Variants in FILIP1L observed in about 807,000 individuals in gnomAD.
The protein encoded by FILIP1L is filamin A interacting protein 1 like.
A neutral mutation model predicts 96.6 loss-of-function variants in FILIP1L; 55 were observed. The ratio of observed to expected loss-of-function variants is 0.57; its 90% CI spans 0.46 to 0.71. The LOEUF (loss-of-function observed/expected upper bound fraction) is 0.71, where lower values mean the gene tolerates loss of function less well. Among genes scored for constraint, FILIP1L ranks in the 30% least tolerant of loss-of-function variants. The probability of loss-of-function intolerance (pLI) is 0.00; values close to 1 mark genes in which losing one functional copy is unlikely to be tolerated. For synonymous variants in FILIP1L, 467 were observed against 473.9 expected, an observed-to-expected ratio of 0.99 and a Z score of 0.19; for missense variants, 1,304 against 1,321.2, an observed-to-expected ratio of 0.99 and a Z score of 0.20.
chr3:100,039,326 C>T (rs747348315), intron 1 of FILIP1L, among the ~76,000 whole-genome samples: 3 of 152,148 alleles, frequency 2.0e-5, no homozygotes, highest in Non-Finnish European at 4.4e-5. Flanking sequence ...ATAAGAAGTA[C>T]AGCCAAGACT....
At position 100,023,777 on chromosome 3, in the gene FILIP1L, C is replaced by T. The variant is rs115517444; in HGVS notation, c.-11+90276G>A. On this transcript the variant is annotated intron_variant, in intron 1 of 5. Coordinates refer to ENST00000477258, the MANE Select transcript of FILIP1L (RefSeq NM_001387850.1). ...CTAGTATTTCTACCTAGAACTACTC[C>T]TGCTCTGCATGTCTTACTCTCAGGA... 7.2e-3 allele frequency among the ~76,000 whole-genome samples: 1,102 copies of T among 152,246 alleles called. 19 individuals are homozygous for T. Among genetic ancestry groups the T allele is most frequent in the African/African-American group, 0.024 (1,017 of 41,546 alleles).
chr3:100,034,493 G>A (rs532700229), intron 1 of FILIP1L, among the ~76,000 whole-genome samples: 11 of 152,192 alleles, frequency 7.2e-5, no homozygotes, highest in African/African-American at 1.2e-4. Context: ...TAGCCACTTC[G>A]TTCCAGTAAT....
intron 2 of FILIP1L, 50 bp downstream of exon 2, chr3:99,930,719 A>T (rs1437315506): frequency 6.3e-7 from 1 of 1,595,704 alleles, no homozygotes; most frequent in South Asian, 1.1e-5. Flanking sequence ...CCAAATTCAC[A>T]AGCAGCCTTC....
chr3:99,969,240 T>G (rs1397710861), intron 1 of FILIP1L, among the ~76,000 whole-genome samples: 1 of 152,168 alleles, frequency 6.6e-6, no homozygotes, highest in East Asian at 1.9e-4. Flanking sequence ...GGATAATGTA[T>G]GTATAATTCT....
rs988596295 is a variant in FILIP1L, at chr3:100,095,724, G to A, written c.-11+18329C>T. Among the ~76,000 whole-genome samples, 20 of 152,164 alleles carry A rather than the reference G, an allele frequency of 1.3e-4. No individual in the cohort carries two copies. In the East Asian group the frequency reaches 3.9e-3, roughly 29 times the overall value. On this transcript the variant is annotated intron_variant, in intron 1 of 5. Coordinates refer to ENST00000477258, the MANE Select transcript of FILIP1L (RefSeq NM_001387850.1). ...ACATTGGTCTGGGTAAAAATTTATTGAACAATACCCCACCAGCACAGGCAA... is the reference window on the plus strand; with the variant it reads ...ACATTGGTCTGGGTAAAAATTTATTAAACAATACCCCACCAGCACAGGCAA...
At position 99,849,894 on chromosome 3, in the gene FILIP1L, T is replaced by C; in HGVS notation, c.1782A>G (p.Ser594=). Residue 594 remains serine (S), a synonymous_variant, in exon 5 of 6, where the codon TCA becomes TCG. Coordinates refer to ENST00000477258, the MANE Select transcript of FILIP1L (RefSeq NM_001387850.1). ...GGAAATCTTTCTCAATTGCTTCCAA[T>C]GATTGAAGCCTATTTTTCAACATAT... ...RVNMLKNRLQ[S]LEAIEKDFLK... The C allele has an allele frequency of 6.2e-7, 1 of 1,611,902 alleles. No individual in the cohort carries two copies. Among genetic ancestry groups the C allele is most frequent in the Non-Finnish European group, 8.5e-7 (1 of 1,179,540 alleles).
intron 1 of FILIP1L, among the ~76,000 whole-genome samples, chr3:100,000,414 G>T (rs1709808671): frequency 6.6e-6 from 1 of 152,204 alleles, no homozygotes; most frequent in Non-Finnish European, 1.5e-5. Flanking sequence ...AGCTGCTGTT[G>T]TGTGAATGTC....
chr3:99,970,996 T>A (rs1708797271), intron 1 of FILIP1L, among the ~76,000 whole-genome samples: 2 of 152,116 alleles, frequency 1.3e-5, no homozygotes. Context: ...AGGGGCTGTA[T>A]TCACAAGATA....
chr3:99,950,751 T>A (rs1475065056), intron 1 of FILIP1L, among the ~76,000 whole-genome samples: 2 of 152,220 alleles, frequency 1.3e-5, no homozygotes, highest in Non-Finnish European at 2.9e-5. Context: ...CTTTGTTATG[T>A]TTTCCTTTTG....
At chr3:99,842,452 A>G (rs1196542937) in intron 5 of FILIP1L, among the ~76,000 whole-genome samples, 2 of 151,742 alleles carry the variant, frequency 1.3e-5, no homozygotes, top group African/African-American at 4.8e-5. Flanking sequence ...TCATGTAACC[A>G]AACACCACTT....
At chr3:100,018,544 G>A (rs1002625966) in intron 1 of FILIP1L, among the ~76,000 whole-genome samples, 6 of 151,842 alleles carry the variant, frequency 4.0e-5, no homozygotes, top group African/African-American at 7.3e-5. Flanking sequence ...CACCATCTAC[G>A]AAAATCAACT....
At chr3:99,938,806 C>A (rs990408010) in intron 1 of FILIP1L, among the ~76,000 whole-genome samples, 2 of 152,000 alleles carry the variant, frequency 1.3e-5, no homozygotes, top group Non-Finnish European at 2.9e-5. Flanking sequence ...GGGAAAAAAT[C>A]CTGTTGGGTA....
chr3:99,847,847 AC>A (rs1943438019), intron 5 of FILIP1L: 1 of 642,476 alleles, frequency 1.6e-6, no homozygotes. Context: ...ATTAATAGAG[AC>A]TATAAGCAAA....
At chr3:99,960,708 A>G (rs1021455720) in intron 1 of FILIP1L, among the ~76,000 whole-genome samples, 2 of 152,098 alleles carry the variant, frequency 1.3e-5, no homozygotes, top group Non-Finnish European at 2.9e-5. Context: ...GAACACTTTC[A>G]CTTTCAGGGC....
chr3:99,932,848 G>A lies in FILIP1L; in HGVS notation c.-10-1818C>T, dbSNP rs150040547. On this transcript the variant is annotated intron_variant, in intron 1 of 5. Transcript: ENST00000477258. ...CGAGGTTGCATTGAGCCAAGATCGCGCCCGGCACTCCAGCCTGGGTGACAG... is the reference window on the plus strand; with the variant it reads ...CGAGGTTGCATTGAGCCAAGATCGCACCCGGCACTCCAGCCTGGGTGACAG... Among the ~76,000 whole-genome samples the A allele has an allele frequency of 9.3e-3, 1,410 of 152,216 alleles. 30 individuals carry two copies. Among genetic ancestry groups the A allele is most frequent in the Admixed American group, 0.044 (675 of 15,292 alleles).
intron 4 of FILIP1L, 73 bp from the exon 5 acceptor site, chr3:99,851,143 T>G (rs1225262325): frequency 2.5e-6 from 3 of 1,198,946 alleles, no homozygotes; most frequent in Non-Finnish European, 3.4e-6. Flanking sequence ...TAAATATATA[T>G]GTAATTTAGA....
At chr3:100,022,931 C>G (rs2064852159) in intron 1 of FILIP1L, among the ~76,000 whole-genome samples, 1 of 152,190 alleles carries the variant, frequency 6.6e-6, no homozygotes, top group African/African-American at 2.4e-5. Context: ...AGATCTGACA[C>G]TAGATGCACC....
At chr3:100,048,447 G>A (rs577797587) in intron 1 of FILIP1L, among the ~76,000 whole-genome samples, 2 of 152,284 alleles carry the variant, frequency 1.3e-5, no homozygotes, top group East Asian at 3.9e-4. Context: ...CTTCCCTGCA[G>A]CTGTGGCTAA....
intron 1 of FILIP1L, among the ~76,000 whole-genome samples, chr3:99,992,046 C>G (rs1576626417): frequency 1.3e-5 from 2 of 150,570 alleles, no homozygotes; most frequent in Admixed American, 1.3e-4. Flanking sequence ...ATATATACCA[C>G]TCTTTCTTTA....
Sources: allele counts gnomAD v4.1 joint callset (sites outside exome capture counted in the v4.1 genomes callset), GRCh38; gene constraint gnomAD v4.1.1; transcripts MANE v1.5; gene names NCBI Gene and HGNC (gene_info 2026-07-23, HGNC 2026-07-21).